Variants in ZNF503 observed in about 807,000 individuals in gnomAD.
The protein encoded by ZNF503 is NocA-like zinc finger 2.
Under a neutral mutation model 34.4 loss-of-function variants are expected in ZNF503, and 15 were observed. That is an observed-to-expected ratio of 0.44 (90% confidence interval 0.29 to 0.67). The LOEUF (loss-of-function observed/expected upper bound fraction) is 0.67. ZNF503 is among the 30% of genes least tolerant of loss of function. The pLI is 0.13. For missense variants in ZNF503, 1,007 were observed against 926.8 expected (o/e 1.09, Z -1.12); for synonymous variants, 580 against 456.8 (o/e 1.27, Z -3.44).
the ZNF503 span, among the ~76,000 whole-genome samples, chr10:75,312,280 G>A: frequency 2.6e-5 from 4 of 151,176 alleles, no homozygotes; most frequent in East Asian, 1.9e-4. Flanking sequence ...GGATATAAAA[G>A]GAAAAAACAA....
At chr10:75,392,731 A>G in the ZNF503 span, among the ~76,000 whole-genome samples, 7 of 152,358 alleles carry the variant, frequency 4.6e-5, no homozygotes, top group East Asian at 1.4e-3. Flanking sequence ...AGTGGGCCAC[A>G]GGGAGCCACA....
At chr10:75,355,092 G>A in the ZNF503 span, among the ~76,000 whole-genome samples, 4 of 152,050 alleles carry the variant, frequency 2.6e-5, no homozygotes, top group African/African-American at 7.2e-5. Flanking sequence ...TGATTTGCCC[G>A]CCTTGGCCCC....
chr10:75,356,853 G>A, the ZNF503 span, among the ~76,000 whole-genome samples: 3 of 152,166 alleles, frequency 2.0e-5, no homozygotes, highest in African/African-American at 4.8e-5. Context: ...CTCCTCCCCC[G>A]GGAGGCTGCT....
At chr10:75,395,613 C>T (rs1273351818), downstream of ZNF503, among the ~76,000 whole-genome samples, 6 of 152,138 alleles carry the variant, frequency 3.9e-5, no homozygotes, top group Non-Finnish European at 8.8e-5. The surrounding 1 kb of genome is among the most constrained non-coding windows in gnomAD (Gnocchi z 4.4). Flanking sequence ...GGGCATTTGT[C>T]CCTCCGAGGA....
chr10:75,306,226 C>T, the ZNF503 span, among the ~76,000 whole-genome samples: 1 of 152,154 alleles, frequency 6.6e-6, no homozygotes, highest in Non-Finnish European at 1.5e-5. Context: ...TAAAAAATAA[C>T]AGTCACCCTA....
Position 75,399,463 on chromosome 10 carries a change from G to A in ZNF503, c.1227C>T (p.Gly409=). ...GAGACGCTCCGGCCAAAGGGCTGGA[G>A]CCGGCCGGCTTACTGCAGCCCAGAG... The part of the protein sequence containing the change: ...AGSLGCSKPA[G]SSPLAGASPP... The change falls in exon 2 of 2, where the codon GGC becomes GGT. Residue 409 remains glycine (G), a synonymous_variant. Coordinates refer to ENST00000372524, the MANE Select transcript of ZNF503 (RefSeq NM_032772.6). The A allele has an allele frequency of 1.9e-6, 3 of 1,584,142 alleles. No individual in the cohort carries two copies. Among genetic ancestry groups the A allele is most frequent in the Non-Finnish European group, 2.6e-6 (3 of 1,171,404 alleles).
At chr10:75,355,394 T>G in the ZNF503 span, among the ~76,000 whole-genome samples, 1 of 152,174 alleles carries the variant, frequency 6.6e-6, no homozygotes, top group African/African-American at 2.4e-5. Flanking sequence ...GCATCAAGCT[T>G]GCCACTTATT....
At chr10:75,296,984 G>A in the ZNF503 span, among the ~76,000 whole-genome samples, 1 of 152,158 alleles carries the variant, frequency 6.6e-6, no homozygotes, top group Non-Finnish European at 1.5e-5. Context: ...GGGAATAGGT[G>A]AGCCTCTCCA....
At chr10:75,318,461 G>T in the ZNF503 span, among the ~76,000 whole-genome samples, 1 of 151,908 alleles carries the variant, frequency 6.6e-6, no homozygotes, top group African/African-American at 2.4e-5. Flanking sequence ...TTGAGCCCAA[G>T]AATTTGATGC....
At chr10:75,329,700 C>T in the ZNF503 span, among the ~76,000 whole-genome samples, 2 of 152,144 alleles carry the variant, frequency 1.3e-5, no homozygotes, top group Non-Finnish European at 2.9e-5. Flanking sequence ...TGGTCTCAAA[C>T]TCCTTGCCTC....
At chr10:75,345,634 C>CAAAAAA in the ZNF503 span, among the ~76,000 whole-genome samples, 2 of 71,592 alleles carry the variant, frequency 2.8e-5, no homozygotes, top group African/African-American at 5.9e-5. Context: ...GACTCTGTCT[C>CAAAAAA]AAAAAAAAAA....
At chr10:75,376,645 A>C in the ZNF503 span, among the ~76,000 whole-genome samples, 1 of 152,096 alleles carries the variant, frequency 6.6e-6, no homozygotes, top group African/African-American at 2.4e-5. Flanking sequence ...CTGTCTCAAA[A>C]AAAAACAAAA....
At chr10:75,350,142 T>TA in the ZNF503 span, among the ~76,000 whole-genome samples, 2 of 152,340 alleles carry the variant, frequency 1.3e-5, no homozygotes, top group South Asian at 4.1e-4. Flanking sequence ...AGAAAACTGT[T>TA]ACCAATATTC....
rs1462107205 is a variant in ZNF503, at chr10:75,401,524, A to G, written c.-105T>C. 2 of 1,393,190 alleles carry G rather than the reference A, an allele frequency of 1.4e-6. No homozygotes were observed. The highest frequency in any genetic ancestry group is 1.9e-6 in the Non-Finnish European group (2 of 1,046,714). The allele number at this position is 1,393,190 out of a possible 1,614,324, so 86.3% of individuals were successfully genotyped here. On this transcript the variant is annotated 5_prime_UTR_variant, in exon 1 of 2. Coordinates refer to ENST00000372524, the MANE Select transcript of ZNF503 (RefSeq NM_032772.6). ...CGGGAGCAGGAGCAGCGGGAGGAGG[A>G]GGAGCTGGCGCGGCGGCCACGGGCG...
At chr10:75,302,068 C>T in the ZNF503 span, among the ~76,000 whole-genome samples, 1 of 152,200 alleles carries the variant, frequency 6.6e-6, no homozygotes, top group South Asian at 2.1e-4. Context: ...AACATATAAT[C>T]TCAGTCTTTG....
Position 75,401,545 on chromosome 10 carries a change from G to A in ZNF503, c.-126C>T. 1 of 1,222,074 alleles carries A rather than the reference G, an allele frequency of 8.2e-7. No individual in the cohort carries two copies. Among genetic ancestry groups the A allele is most frequent in the Non-Finnish European group, 1.1e-6 (1 of 891,748 alleles). 75.7% of individuals were successfully genotyped at this position (1,222,074 alleles called of 1,614,324 possible). The stretch of plus-strand genomic sequence containing the variant: ...GAGGAGGAGCTGGCGCGGCGGCCAC[G>A]GGCGCCCAGCGCGCCTTCTCGGCGC... On this transcript the variant is annotated 5_prime_UTR_variant, in exon 1 of 2. Coordinates refer to ENST00000372524, the MANE Select transcript of ZNF503 (RefSeq NM_032772.6).
the ZNF503 span, among the ~76,000 whole-genome samples, chr10:75,384,698 A>G: frequency 6.6e-6 from 1 of 152,014 alleles, no homozygotes; most frequent in Non-Finnish European, 1.5e-5. Flanking sequence ...GCACCTCCCC[A>G]AAGCCCCCAC....
chr10:75,392,247 TAG>T, the ZNF503 span, among the ~76,000 whole-genome samples: 1 of 152,244 alleles, frequency 6.6e-6, no homozygotes, highest in Admixed American at 6.5e-5. Flanking sequence ...TTCACCCTGG[TAG>T]GCACAGCCCT....
the ZNF503 span, among the ~76,000 whole-genome samples, chr10:75,329,461 C>T: frequency 0.013 from 851 of 63,338 alleles, 10 homozygotes; most frequent in African/African-American, 0.031. Context: ...CTTTCTTTCT[C>T]TTTCTTTCTT....
Sources: gnomAD v4.1 joint callset for allele counts (sites outside exome capture counted in the v4.1 genomes callset) on GRCh38, gnomAD v4.1.1 for gene constraint, Gnocchi (gnomAD v3.1) non-coding constraint, MANE v1.5 for transcripts, NCBI Gene and HGNC (gene_info 2026-07-23, HGNC 2026-07-21) for gene names.